Variants in ACOT13 observed in about 807,000 individuals in gnomAD.
ACOT13 encodes acyl-coenzyme A thioesterase 13.
In ACOT13, 10 loss-of-function variants were observed where a neutral mutation model predicts 11.8. The ratio of observed to expected loss-of-function variants is 0.85; its 90% CI spans 0.53 to 1.44. The LOEUF (loss-of-function observed/expected upper bound fraction) is 1.44. ACOT13 is among the 40% of genes most tolerant of loss of function. The probability of loss-of-function intolerance (pLI) is 0.00; values close to 1 mark genes in which losing one functional copy is unlikely to be tolerated. For synonymous variants in ACOT13, 53 were observed against 61.0 expected (o/e 0.87, Z 0.61); for missense variants, 172 against 174.1 (o/e 0.99, Z 0.07).
intron 2 of ACOT13, among the ~76,000 whole-genome samples, chr6:24,699,328 G>A (rs1778853920): frequency 6.6e-6 from 1 of 150,388 alleles, no homozygotes; most frequent in South Asian, 2.1e-4. Flanking sequence ...TCCTGCCTCA[G>A]CCTCCCGAGT....
intron 1 of ACOT13, among the ~76,000 whole-genome samples, chr6:24,686,850 T>A (rs189619327): frequency 1.6e-4 from 25 of 152,158 alleles, no homozygotes; most frequent in African/African-American, 6.0e-4. Flanking sequence ...CACAGGGGCG[T>A]GCCACCATCT....
intron 1 of ACOT13, among the ~76,000 whole-genome samples, chr6:24,674,314 C>G (rs1331749603): frequency 6.6e-6 from 1 of 152,138 alleles, no homozygotes; most frequent in Admixed American, 6.5e-5. Context: ...CCACGGCCTC[C>G]CAAAGTGCTG....
rs1430179882 is a variant in ACOT13 at position 24,702,814 on chromosome 6, CGA to C, written c.*1202_*1203del. Reference sequence around the variant, plus strand: ...ATGCTACTAGCCCCTTTTCTTGTACCGAGAATAAAACCATGCAGATCTCAAAC... The same window carrying C: ...ATGCTACTAGCCCCTTTTCTTGTACCGAATAAAACCATGCAGATCTCAAAC... On this transcript the variant is annotated 3_prime_UTR_variant, in exon 3 of 3. Transcript: ENST00000230048. The C allele has an allele frequency of 1.3e-5, 2 of 152,066 alleles. No homozygotes were observed. Among genetic ancestry groups the C allele is most frequent in the Non-Finnish European group, 2.9e-5 (2 of 68,014 alleles). The allele number at this position is 152,066 out of a possible 1,614,324, so 9.4% of individuals were successfully genotyped here. A position where few individuals can be genotyped will look rare whatever the true frequency, so the allele number is the denominator to read the frequency against.
At chr6:24,690,171 T>A (rs1778699251) in intron 1 of ACOT13, among the ~76,000 whole-genome samples, 1 of 152,156 alleles carries the variant, frequency 6.6e-6, no homozygotes, top group South Asian at 2.1e-4. Context: ...CTGGCCTTGA[T>A]TTGCCAGATT....
chr6:24,684,386 G>T (rs78725635), intron 1 of ACOT13, among the ~76,000 whole-genome samples: 11 of 152,310 alleles, frequency 7.2e-5, no homozygotes, highest in African/African-American at 1.9e-4. Context: ...TCATGAGTGT[G>T]TATCTTCTTG....
chr6:24,704,005 T>C lies in ACOT13; in HGVS notation c.*2390T>C, dbSNP rs1226656962. On this transcript the variant is annotated 3_prime_UTR_variant, in exon 3 of 3. Transcript: ENST00000230048. ...TAAAGACAACTGAGAACAACTAAAT[T>C]CAATGATCCTGTACTCTAGAGGGGG... The C allele has an allele frequency of 2.0e-5, 3 of 152,030 alleles. No individual in the cohort carries two copies. The highest frequency in any genetic ancestry group is 2.9e-5 in the Non-Finnish European group (2 of 68,004). 9.4% of individuals were successfully genotyped at this position (152,030 alleles called of 1,614,324 possible). A position where few individuals can be genotyped will look rare whatever the true frequency, so the allele number is the denominator to read the frequency against.
In ACOT13 at chr6:24,687,446, G is replaced by A. The variant is rs1238245658; in HGVS notation, c.82-10437G>A. 8 of 1,243,736 alleles carry A rather than the reference G, an allele frequency of 6.4e-6. No homozygotes were observed. The African/African-American group carries it at 1.2e-4, about 19-fold the overall frequency. The allele number at this position is 1,243,736 out of a possible 1,614,324, so 77.0% of individuals were successfully genotyped here. A position where few individuals can be genotyped will look rare whatever the true frequency, so the allele number is the denominator to read the frequency against. ...ATACGTTGGGAATATCAACTGACAC[G>A]CACTGTGCTAGGATCTAGAAATACC... On this transcript the variant is annotated intron_variant, in intron 1 of 2. Coordinates refer to ENST00000230048, the MANE Select transcript of ACOT13 (RefSeq NM_018473.4).
intron 1 of ACOT13, among the ~76,000 whole-genome samples, chr6:24,684,883 G>A (rs530561085): frequency 2.8e-4 from 42 of 152,220 alleles, no homozygotes; most frequent in African/African-American, 8.2e-4. Context: ...ATGATAGTGC[G>A]TAGATGTGGT....
At chr6:24,683,389 T>C (rs895762846) in intron 1 of ACOT13, among the ~76,000 whole-genome samples, 12 of 152,044 alleles carry the variant, frequency 7.9e-5, no homozygotes, top group Admixed American at 6.6e-5. Flanking sequence ...ATACAAAAAT[T>C]AGCCAGGTGT....
intron 1 of ACOT13, among the ~76,000 whole-genome samples, chr6:24,680,519 C>T (rs1030584923): frequency 5.9e-5 from 9 of 152,220 alleles, no homozygotes; most frequent in African/African-American, 2.2e-4. Flanking sequence ...TTATTCTTTT[C>T]CAGGGTGCGT....
At chr6:24,683,093 G>T (rs1161937229) in intron 1 of ACOT13, among the ~76,000 whole-genome samples, 10 of 152,196 alleles carry the variant, frequency 6.6e-5, no homozygotes, top group Admixed American at 4.6e-4. Flanking sequence ...AGCTAGTCCT[G>T]TCTGTCAGTT....
In ACOT13 at chr6:24,703,348, T is replaced by A. The variant is rs1196298580; in HGVS notation, c.*1733T>A. On this transcript the variant is annotated 3_prime_UTR_variant, in exon 3 of 3. Coordinates refer to ENST00000230048, the MANE Select transcript of ACOT13 (RefSeq NM_018473.4). ...TGTGAAAGGGCAGAAGACTCCACAG[T>A]AGCAATAGCAGCAGTGAGCATACAG... is the stretch of plus-strand genomic sequence containing the variant. The A allele has an allele frequency of 6.6e-6, 1 of 152,210 alleles. No individual in the cohort carries two copies. The highest frequency in any genetic ancestry group is 2.4e-5 in the African/African-American group (1 of 41,446). 9.4% of individuals were successfully genotyped at this position (152,210 alleles called of 1,614,324 possible).
intron 1 of ACOT13, among the ~76,000 whole-genome samples, chr6:24,689,779 A>G (rs924866892): frequency 6.6e-6 from 1 of 152,180 alleles, no homozygotes; most frequent in Non-Finnish European, 1.5e-5. Context: ...TGGCGCAGAG[A>G]TAGGATTGAA....
At chr6:24,685,134 A>C (rs1486259421) in intron 1 of ACOT13, among the ~76,000 whole-genome samples, 1 of 152,200 alleles carries the variant, frequency 6.6e-6, no homozygotes, top group Non-Finnish European at 1.5e-5. Context: ...GCAAGTGCTC[A>C]GTACTGACGT....
intron 1 of ACOT13, 114 bp downstream of exon 1, chr6:24,667,458 C>A: frequency 3.2e-6 from 3 of 939,750 alleles, no homozygotes; most frequent in South Asian, 2.9e-5. Context: ...TGTTCTAGTA[C>A]GCCTGTAAAT....
At chr6:24,700,407 T>A (rs1325303201) in intron 2 of ACOT13, among the ~76,000 whole-genome samples, 1 of 151,342 alleles carries the variant, frequency 6.6e-6, no homozygotes, top group Non-Finnish European at 1.5e-5. Context: ...GCCTGTTCTT[T>A]CCAGCAATAA....
rs1242873293 is a variant in ACOT13, at chr6:24,704,651, G to A, written c.*3036G>A. ...TGAAAGCATTTTGAAATTTAAGAAT[G>A]GCCCTTTCCCATGAAGCAAGGCATA... On this transcript the variant is annotated 3_prime_UTR_variant, in exon 3 of 3. Transcript: ENST00000230048. The A allele has an allele frequency of 6.6e-6, 1 of 152,200 alleles. No homozygotes were observed. Among genetic ancestry groups the A allele is most frequent in the Non-Finnish European group, 1.5e-5 (1 of 68,024 alleles). The allele number at this position is 152,200 out of a possible 1,614,324, so 9.4% of individuals were successfully genotyped here. A position where few individuals can be genotyped will look rare whatever the true frequency, so the allele number is the denominator to read the frequency against.
intron 1 of ACOT13, among the ~76,000 whole-genome samples, chr6:24,673,901 C>A (rs1467163839): frequency 2.4e-5 from 3 of 125,260 alleles, no homozygotes; most frequent in Admixed American, 2.3e-4. Flanking sequence ...ACTAAATTTA[C>A]CATACAGTAT....
chr6:24,697,884 T>C lies in ACOT13; in HGVS notation c.83T>C (p.Ile28Thr). 1 of 1,597,660 alleles carries C rather than the reference T, an allele frequency of 6.3e-7. No individual in the cohort carries two copies. The highest frequency in any genetic ancestry group is 8.5e-7 in the Non-Finnish European group (1 of 1,173,766). The change falls in exon 2 of 3, where the codon ATT becomes ACT. Residue 28 changes from isoleucine to threonine, a missense_variant and splice_region_variant. Coordinates refer to ENST00000230048, the MANE Select transcript of ACOT13 (RefSeq NM_018473.4). ...CAGGATTCTTTTTTTTACACTTAGA[T>C]TACTCTTGTCTCTGCTGCTCCTGGG... Reference protein sequence around the residue: ...ARNFERVLGKITLVSAAPGKV... With the variant: ...ARNFERVLGKTTLVSAAPGKV...
Sources: allele counts gnomAD v4.1 joint callset (sites outside exome capture counted in the v4.1 genomes callset), GRCh38; gene constraint gnomAD v4.1.1; transcripts MANE v1.5; gene names NCBI Gene and HGNC (gene_info 2026-07-23, HGNC 2026-07-21).